Variants in TMEM74 observed in about 807,000 individuals in gnomAD.
The protein encoded by TMEM74 is transmembrane protein 74.
TMEM74 carries 13 observed loss-of-function variants against 18.1 expected under a neutral mutation model. That is an observed-to-expected ratio of 0.72 (90% CI 0.47 to 1.14). TMEM74 has a LOEUF of 1.14. Ranked by LOEUF, TMEM74 falls within the 50% of genes most tolerant of loss-of-function variation. The probability of loss-of-function intolerance (pLI) is 0.00; values close to 1 mark genes in which losing one functional copy is unlikely to be tolerated. For missense variants in TMEM74, 372 were observed against 375.9 expected (o/e 0.99, Z 0.09); for synonymous variants, 159 against 146.6 (o/e 1.08, Z -0.61).
chr8:108,652,215 C>T (rs1812781988), intron 2 of TMEM74, among the ~76,000 whole-genome samples: 1 of 152,042 alleles, frequency 6.6e-6, no homozygotes, highest in Non-Finnish European at 1.5e-5. Context: ...TCAATATATA[C>T]AAATATTGGT....
At chr8:108,677,693 A>T (rs1398913060) in intron 1 of TMEM74, among the ~76,000 whole-genome samples, 1 of 152,130 alleles carries the variant, frequency 6.6e-6, no homozygotes, top group East Asian at 1.9e-4. Context: ...AGGGAAACTG[A>T]CAAGTAATGA....
intron 1 of TMEM74, among the ~76,000 whole-genome samples, chr8:108,707,979 G>GT (rs1409494621): frequency 1.3e-5 from 2 of 152,096 alleles, no homozygotes; most frequent in Non-Finnish European, 2.9e-5. Context: ...CATCATCTAG[G>GT]TAAGAAGCAT....
At chr8:108,754,357 T>C (rs1336112860) in intron 1 of TMEM74, among the ~76,000 whole-genome samples, 4 of 152,090 alleles carry the variant, frequency 2.6e-5, no homozygotes, top group Non-Finnish European at 5.9e-5. Context: ...CATTTACCTA[T>C]ATGGTAGACA....
At chr8:108,674,521 G>A (rs572536623) in intron 1 of TMEM74, among the ~76,000 whole-genome samples, 1 of 152,284 alleles carries the variant, frequency 6.6e-6, no homozygotes, top group South Asian at 2.1e-4. Flanking sequence ...AAGAGAAAGA[G>A]GCCAGTAAGT....
At chr8:108,747,734 AC>A (rs1481796193) in intron 1 of TMEM74, among the ~76,000 whole-genome samples, 1 of 139,710 alleles carries the variant, frequency 7.2e-6, no homozygotes, top group Non-Finnish European at 1.6e-5. Flanking sequence ...CCTCCAACAG[AC>A]CCCAGTGTCT....
chr8:108,764,761 C>T (rs1304581396), intron 1 of TMEM74, among the ~76,000 whole-genome samples: 1 of 152,138 alleles, frequency 6.6e-6, no homozygotes, highest in African/African-American at 2.4e-5. Context: ...TCCAGCTCAT[C>T]CACTCTGTCT....
At chr8:108,757,777 T>C (rs1375556391) in intron 1 of TMEM74, among the ~76,000 whole-genome samples, 1 of 152,042 alleles carries the variant, frequency 6.6e-6, no homozygotes, top group African/African-American at 2.4e-5. Context: ...TGAAGTCTTC[T>C]TCACCTCCCT....
intron 1 of TMEM74, among the ~76,000 whole-genome samples, chr8:108,733,392 T>C (rs1813715597): frequency 6.6e-6 from 1 of 152,086 alleles, no homozygotes; most frequent in Non-Finnish European, 1.5e-5. Context: ...AGAAACAAAG[T>C]AGTACATAAT....
chr8:108,748,650 A>G (rs1813875237), intron 1 of TMEM74, among the ~76,000 whole-genome samples: 2 of 143,726 alleles, frequency 1.4e-5, no homozygotes, highest in South Asian at 4.5e-4. Context: ...CCCTACCTAT[A>G]TGGTATGGTA....
At chr8:108,679,561 TG>T (rs1813091434) in intron 1 of TMEM74, among the ~76,000 whole-genome samples, 1 of 152,254 alleles carries the variant, frequency 6.6e-6, no homozygotes, top group East Asian at 1.9e-4. Flanking sequence ...GAGAAGTGTC[TG>T]TTCATATCCT....
intron 2 of TMEM74, among the ~76,000 whole-genome samples, chr8:108,631,075 A>G (rs1174074732): frequency 1.3e-5 from 2 of 152,012 alleles, no homozygotes; most frequent in Non-Finnish European, 2.9e-5. Context: ...TCCTGAAGAA[A>G]AGCCACTTGG....
chr8:108,707,967 T>C (rs1222673636), intron 1 of TMEM74, among the ~76,000 whole-genome samples: 1 of 152,172 alleles, frequency 6.6e-6, no homozygotes, highest in African/African-American at 2.4e-5. Flanking sequence ...TACAGATTGT[T>C]TCATCATCTA....
chr8:108,691,865 A>G (rs1813235594), intron 1 of TMEM74, among the ~76,000 whole-genome samples: 1 of 152,180 alleles, frequency 6.6e-6, no homozygotes, highest in Non-Finnish European at 1.5e-5. Context: ...TCACACAATT[A>G]ATTTGTTTTT....
chr8:108,700,130 G>GGTGTGTGTGT (rs3049748), intron 1 of TMEM74, among the ~76,000 whole-genome samples: 19,618 of 142,966 alleles, frequency 0.14, 1,479 homozygotes, highest in South Asian at 0.17. Flanking sequence ...GGCCATAAAT[G>GGTGTGTGTGT]GTGTGTGTGT....
chr8:108,610,907 G>T (rs1351477910), intron 2 of TMEM74, among the ~76,000 whole-genome samples: 4 of 152,172 alleles, frequency 2.6e-5, no homozygotes, highest in Non-Finnish European at 5.9e-5. Context: ...TACCAATTCA[G>T]TTATTCACTC....
At chr8:108,749,374 T>C (rs1183675275) in intron 1 of TMEM74, among the ~76,000 whole-genome samples, 2 of 152,196 alleles carry the variant, frequency 1.3e-5, no homozygotes, top group Non-Finnish European at 2.9e-5. Context: ...ACTTCTCTTG[T>C]TATCTGTATT....
At chr8:108,664,800 G>A (rs1812933249) in intron 1 of TMEM74, among the ~76,000 whole-genome samples, 1 of 151,936 alleles carries the variant, frequency 6.6e-6, no homozygotes, top group Non-Finnish European at 1.5e-5. Flanking sequence ...TCAATGTGAG[G>A]GTAATAGTAA....
intron 1 of TMEM74, among the ~76,000 whole-genome samples, chr8:108,769,467 T>A (rs1263297180): frequency 6.6e-6 from 1 of 152,158 alleles, no homozygotes; most frequent in Non-Finnish European, 1.5e-5. Flanking sequence ...CCTCTGTTCT[T>A]TTCTCTCTGC....
chr8:108,628,535 A>G (rs1234765454), intron 2 of TMEM74, among the ~76,000 whole-genome samples: 1 of 152,052 alleles, frequency 6.6e-6, no homozygotes, highest in South Asian at 2.1e-4. Context: ...TCTATCATTG[A>G]TGAGCATTTG....
Sources: gnomAD v4.1 joint callset for allele counts (sites outside exome capture counted in the v4.1 genomes callset) on GRCh38, gnomAD v4.1.1 for gene constraint, MANE v1.5 for transcripts, NCBI Gene and HGNC (gene_info 2026-07-23, HGNC 2026-07-21) for gene names.